Variants in TGFBRAP1 observed in about 807,000 individuals in gnomAD.
The protein encoded by TGFBRAP1 is transforming growth factor beta receptor associated protein 1.
Under a neutral mutation model 83.2 loss-of-function variants are expected in TGFBRAP1, and 20 were observed. The observed-to-expected ratio is 0.24, with a 90% CI of 0.17 to 0.35. The LOEUF (loss-of-function observed/expected upper bound fraction) is 0.35, where lower values mean the gene tolerates loss of function less well. Among genes scored for constraint, TGFBRAP1 ranks in the 10% least tolerant of loss-of-function variants. The probability of loss-of-function intolerance (pLI) is 1.00; values close to 1 mark genes in which losing one functional copy is unlikely to be tolerated. For synonymous variants in TGFBRAP1, 415 were observed against 459.8 expected (o/e 0.90, Z 1.25); for missense variants, 950 against 1,099.4 (o/e 0.86, Z 1.92).
intron 1 of TGFBRAP1, among the ~76,000 whole-genome samples, chr2:105,325,756 C>T (rs1679209340): frequency 6.6e-6 from 1 of 152,180 alleles, no homozygotes; most frequent in South Asian, 2.1e-4. Context: ...ATTTATGTGA[C>T]AGCAACTGCT....
Position 105,302,505 on chromosome 2 carries a change from T to C in TGFBRAP1, c.689-3800A>G, listed in dbSNP as rs370601043. 2.6e-5 allele frequency among the ~76,000 whole-genome samples: 4 copies of C among 151,472 alleles called. No homozygotes were observed. In the East Asian group the frequency reaches 7.8e-4, roughly 29 times the overall value. On this transcript the variant is annotated intron_variant, in intron 2 of 11. Transcript: ENST00000393359. ...CTATAAAATGAAGGAGGAATACCTC[T>C]ACACTCTGAAGTGATCACTTTAGTA...
In TGFBRAP1 at chr2:105,267,235, T is replaced by C. The variant is rs1213971963; in HGVS notation, c.*148A>G. On this transcript the variant is annotated 3_prime_UTR_variant, in exon 12 of 12. Transcript: ENST00000393359. Reference sequence around the variant, plus strand: ...ATAGAGCCTGGTCAGCAGCGAGGAGTCCTTGTTGCGTATGGACGGAAGGCT... The same window carrying C: ...ATAGAGCCTGGTCAGCAGCGAGGAGCCCTTGTTGCGTATGGACGGAAGGCT... 1.7e-5 allele frequency: 16 copies of C among 964,582 alleles called. No individual in the cohort carries two copies. The highest frequency in any genetic ancestry group is 2.4e-5 in the Non-Finnish European group (16 of 667,426). The allele number at this position is 964,582 out of a possible 1,614,324, so 59.8% of individuals were successfully genotyped here.
chr2:105,322,847 G>A (rs528170659), intron 1 of TGFBRAP1, among the ~76,000 whole-genome samples: 12 of 152,124 alleles, frequency 7.9e-5, no homozygotes, highest in Non-Finnish European at 1.5e-4. Flanking sequence ...TCATATATTA[G>A]CTCTAAAAAC....
intron 2 of TGFBRAP1, among the ~76,000 whole-genome samples, chr2:105,300,529 C>T (rs1463900160): frequency 6.6e-6 from 1 of 151,178 alleles, no homozygotes; most frequent in African/African-American, 2.4e-5. Context: ...CTCTGCCTCC[C>T]GGGTTCAAGC....
chr2:105,277,265 C>T (rs1344848358), intron 7 of TGFBRAP1, among the ~76,000 whole-genome samples: 1 of 152,208 alleles, frequency 6.6e-6, no homozygotes, highest in East Asian at 1.9e-4. Context: ...TCATCACTAA[C>T]AGTGGAAATG....
At chr2:105,283,171 C>T (rs1159445398) in intron 5 of TGFBRAP1, among the ~76,000 whole-genome samples, 2 of 152,156 alleles carry the variant, frequency 1.3e-5, no homozygotes, top group Non-Finnish European at 2.9e-5. Context: ...ACCCTGAAGC[C>T]ACGGGTCTTT....
chr2:105,273,022 A>T lies in TGFBRAP1; in HGVS notation c.1813-8T>A, dbSNP rs767453318. ...GGTGTGATACTCTTCTTTCTGCAGG[A>T]AACAGGGGGAGCCAAGCAGACAGAC... On this transcript the variant is annotated splice_polypyrimidine_tract_variant and splice_region_variant and intron_variant, in intron 9 of 11. Transcript: ENST00000393359. 6.2e-7 allele frequency: 1 copy of T among 1,607,336 alleles called. No individual in the cohort carries two copies. Among genetic ancestry groups the T allele is most frequent in the East Asian group, 2.2e-5 (1 of 44,790 alleles).
chr2:105,289,122 A>C (rs1050337364), intron 4 of TGFBRAP1, among the ~76,000 whole-genome samples: 1 of 152,180 alleles, frequency 6.6e-6, no homozygotes, highest in Non-Finnish European at 1.5e-5. Context: ...GGTCAATTCC[A>C]AACATGGGAA....
rs754570591 is a variant in TGFBRAP1 at position 105,267,472 on chromosome 2, T to C, written c.2494A>G (p.Arg832Gly). The change falls in exon 12 of 12, where the codon AGA becomes GGA. Residue 832 changes from arginine to glycine, a missense_variant. Coordinates refer to ENST00000393359, the MANE Select transcript of TGFBRAP1 (RefSeq NM_004257.6). ...QNPFCEPVFV[R>G]YPNGGLVHTH... ...TGCACAAGACCACCATTTGGGTATC[T>C]AACAAACACAGGCTCACAAAAGGGA... 2 of 1,614,208 alleles carry C rather than the reference T, an allele frequency of 1.2e-6. No individual in the cohort carries two copies. The highest frequency in any genetic ancestry group is 1.7e-6 in the Non-Finnish European group (2 of 1,180,042).
intron 4 of TGFBRAP1, among the ~76,000 whole-genome samples, chr2:105,288,973 A>G (rs1012470157): frequency 4.6e-5 from 7 of 152,220 alleles, no homozygotes; most frequent in Non-Finnish European, 8.8e-5. Context: ...AAGAAGCCCA[A>G]TTAACTTAGC....
rs1313970736 is a variant in TGFBRAP1, at chr2:105,284,300, CA to C, written c.1121+15del. On this transcript the variant is annotated intron_variant, in intron 5 of 11. Coordinates refer to ENST00000393359, the MANE Select transcript of TGFBRAP1 (RefSeq NM_004257.6). ...GACACTGTAGTGGCAGTCTTGCTAC[CA>C]GCACCTCAAATTACCTGAAGAGCTC... The C allele has an allele frequency of 6.2e-7, 1 of 1,613,066 alleles. No homozygotes were observed. Among genetic ancestry groups the C allele is most frequent in the South Asian group, 1.1e-5 (1 of 91,010 alleles).
At chr2:105,259,091 C>A in the TGFBRAP1 span, among the ~76,000 whole-genome samples, 1 of 152,234 alleles carries the variant, frequency 6.6e-6, no homozygotes, top group Non-Finnish European at 1.5e-5. Flanking sequence ...ATGTGACAGC[C>A]AACCTTCCCT....
intron 2 of TGFBRAP1, among the ~76,000 whole-genome samples, chr2:105,306,993 G>A (rs771820527): frequency 1.3e-5 from 2 of 152,156 alleles, no homozygotes; most frequent in Non-Finnish European, 2.9e-5. Context: ...CTGTACATGT[G>A]CACCAACTAC....
chr2:105,266,000 A>G lies in TGFBRAP1; in HGVS notation c.*1383T>C, dbSNP rs1416636881. The G allele has an allele frequency of 6.6e-6, 1 of 152,264 alleles. No homozygotes were observed. The highest frequency in any genetic ancestry group is 2.4e-5 in the African/African-American group (1 of 41,466). 9.4% of individuals were successfully genotyped at this position (152,264 alleles called of 1,614,324 possible). A position where few individuals can be genotyped will look rare whatever the true frequency, so the allele number is the denominator to read the frequency against. On this transcript the variant is annotated 3_prime_UTR_variant, in exon 12 of 12. Transcript: ENST00000393359. ...TGTACAAGCTGACGCTTGTTTCCCA[A>G]GCATGATAGTAGTGGGTAGACTGCC... is the stretch of plus-strand genomic sequence containing the variant.
chr2:105,302,534 T>G (rs1678334584), intron 2 of TGFBRAP1, among the ~76,000 whole-genome samples: 1 of 105,634 alleles, frequency 9.5e-6, no homozygotes, highest in Non-Finnish European at 1.9e-5. Context: ...TTTAGTATAT[T>G]AAGTAAAAAA....
chr2:105,290,830 C>T (rs555514386), intron 4 of TGFBRAP1, among the ~76,000 whole-genome samples: 76 of 151,944 alleles, frequency 5.0e-4, no homozygotes, highest in African/African-American at 1.7e-3. Context: ...CATGGTGAAA[C>T]CTCATCTCTA....
chr2:105,251,279 T>A, the TGFBRAP1 span, among the ~76,000 whole-genome samples: 2 of 128,038 alleles, frequency 1.6e-5, no homozygotes, highest in Admixed American at 1.7e-4. Flanking sequence ...TCGTCTGGGA[T>A]GTGAGGAGCC....
At chr2:105,270,491 A>C (rs1026614660) in intron 10 of TGFBRAP1, among the ~76,000 whole-genome samples, 9 of 152,260 alleles carry the variant, frequency 5.9e-5, no homozygotes, top group African/African-American at 2.2e-4. Flanking sequence ...TCTAAGGACC[A>C]GAAGTGAGGC....
chr2:105,256,152 A>T, the TGFBRAP1 span, among the ~76,000 whole-genome samples: 2 of 152,258 alleles, frequency 1.3e-5, no homozygotes, highest in Non-Finnish European at 1.5e-5. Flanking sequence ...CAAGATGAAC[A>T]GGCAGAATAC....
Sources: gnomAD v4.1 joint callset for allele counts (sites outside exome capture counted in the v4.1 genomes callset) on GRCh38, gnomAD v4.1.1 for gene constraint, MANE v1.5 for transcripts, NCBI Gene and HGNC (gene_info 2026-07-23, HGNC 2026-07-21) for gene names.